The following TNKS1BP1 variants were observed in gnomAD, a reference collection of about 807,000 sequenced individuals.
TNKS1BP1 encodes CCR4-NOT transcription complex subunit 12.
In TNKS1BP1, 48 loss-of-function variants were observed where a neutral mutation model predicts 141.1. The observed-to-expected ratio is 0.34, with a 90% CI of 0.27 to 0.43. The LOEUF is 0.43. Among genes scored for constraint, TNKS1BP1 ranks in the 20% least tolerant of loss-of-function variants. The pLI is 1.00. For missense variants in TNKS1BP1, 2,149 were observed against 2,226.0 expected (o/e 0.97, Z 0.70); for synonymous variants, 875 against 898.2 (o/e 0.97, Z 0.46).
Position 57,320,570 on chromosome 11 carries a change from C to T in TNKS1BP1, c.237G>A (p.Arg79=), listed in dbSNP as rs746572614. 3.7e-6 allele frequency: 6 copies of T among 1,614,034 alleles called. No homozygotes were observed. In the African/African-American group the frequency reaches 5.3e-5, roughly 14 times the overall value. ...GGGGTCCTGCCAGCATGTTCATCTT[C>T]CTGGCAGAAGGCAACTCAGCCAGGG... The part of the protein sequence containing the change: ...RGPLAELPSA[R]KMNMLAGPQP... The change falls in exon 3 of 12, where the codon AGG becomes AGA. Residue 79 remains arginine (R), a synonymous_variant. Coordinates refer to ENST00000358252, the MANE Select transcript of TNKS1BP1 (RefSeq NM_033396.3).
chr11:57,316,325 C>A (rs1855798508), intron 4 of TNKS1BP1, among the ~76,000 whole-genome samples: 1 of 152,184 alleles, frequency 6.6e-6, no homozygotes, highest in Non-Finnish European at 1.5e-5. Flanking sequence ...CATCCCCACT[C>A]TCAGTAATCT....
rs1855822172 is a variant in TNKS1BP1, at chr11:57,317,896, G to A, written c.729-9C>T. 7 of 1,613,392 alleles carry A rather than the reference G, an allele frequency of 4.3e-6. No homozygotes were observed. Among genetic ancestry groups the A allele is most frequent in the Non-Finnish European group, 5.9e-6 (7 of 1,179,450 alleles). Reference sequence around the variant, plus strand: ...GGTCGGAAGGAAGGCTCCTGTGAGGGACGAGGACAGGAAATGGAAGCACGG... The same window carrying A: ...GGTCGGAAGGAAGGCTCCTGTGAGGAACGAGGACAGGAAATGGAAGCACGG... On this transcript the variant is annotated splice_polypyrimidine_tract_variant and intron_variant, in intron 3 of 11. Transcript: ENST00000358252.
intron 4 of TNKS1BP1, among the ~76,000 whole-genome samples, chr11:57,314,419 C>A (rs1460105295): frequency 6.6e-6 from 1 of 152,178 alleles, no homozygotes; most frequent in East Asian, 1.9e-4. Flanking sequence ...GCCAAGGAAG[C>A]AGGAAGGCTA....
At chr11:57,311,191 C>T (rs944001421) in intron 5 of TNKS1BP1, 4 of 975,850 alleles carry the variant, frequency 4.1e-6, no homozygotes, top group Non-Finnish European at 2.4e-6. Context: ...AAAATCCCAG[C>T]CAGGGCTTCT....
chr11:57,309,639 G>A lies in TNKS1BP1; in HGVS notation c.3072C>T (p.Ser1024=), dbSNP rs138109663. 3.8e-5 allele frequency: 62 copies of A among 1,613,994 alleles called. No individual in the cohort carries two copies. Among genetic ancestry groups the A allele is most frequent in the African/African-American group, 3.3e-4 (25 of 74,914 alleles). The change falls in exon 6 of 12, where the codon TCC becomes TCT. Residue 1024 remains serine, a synonymous_variant. Coordinates refer to ENST00000358252, the MANE Select transcript of TNKS1BP1 (RefSeq NM_033396.3). The surrounding 1 kb of genome is among the most constrained non-coding windows in gnomAD (Gnocchi z 4.3). ...CAGTGCTAGGACTGAACAAGCCCCCGGATCCTCTCTCTCCTGGCCGGCCAG... is the reference window on the plus strand; with the variant it reads ...CAGTGCTAGGACTGAACAAGCCCCCAGATCCTCTCTCTCCTGGCCGGCCAG... ...RDAGRPGERG[S]GGLFSPSTAH...
Position 57,310,372 on chromosome 11 carries a change from T to C in TNKS1BP1, c.2339A>G (p.Gln780Arg). Reference protein sequence around the residue: ...GERDWTSKYGQGAGEGSTREW... With the variant: ...GERDWTSKYGRGAGEGSTREW... ...CCTGGTGCTCCCTTCCCCTGCTCCT[T>C]GCCCATACTTGCTGGTCCAGTCCCT... The change falls in exon 6 of 12, where the codon CAA (glutamine) becomes CGA (arginine). Residue 780 changes from glutamine (Q) to arginine (R), a missense_variant. Physicochemically the swap from Gln to Arg is conservative, Grantham distance 43. Transcript: ENST00000358252. 1 of 1,614,120 alleles carries C rather than the reference T, an allele frequency of 6.2e-7. No homozygotes were observed. Among genetic ancestry groups the C allele is most frequent in the Non-Finnish European group, 8.5e-7 (1 of 1,180,038 alleles).
chr11:57,309,603 C>G lies in TNKS1BP1; in HGVS notation c.3108G>C (p.Pro1036=). ...GLFSPSTAHV[P]DGALGQRDQS... ...GGTCTCTCTGCCCGAGTGCCCCATC[C>G]GGCACGTGGGCAGTGCTAGGACTGA... Residue 1036 remains proline, a synonymous_variant, in exon 6 of 12, where the codon CCG becomes CCC. Transcript: ENST00000358252. The surrounding 1 kb of genome is among the most constrained non-coding windows in gnomAD (Gnocchi z 4.3). The G allele has an allele frequency of 6.2e-7, 1 of 1,613,890 alleles. No individual in the cohort carries two copies. The highest frequency in any genetic ancestry group is 1.1e-5 in the South Asian group (1 of 91,082).
At chr11:57,319,775 A>T (rs1490805624) in intron 3 of TNKS1BP1, among the ~76,000 whole-genome samples, 1 of 151,908 alleles carries the variant, frequency 6.6e-6, no homozygotes, top group Non-Finnish European at 1.5e-5. Flanking sequence ...CTCAAAAAAA[A>T]AAAAAAAAAA....
chr11:57,308,341 T>TG lies in TNKS1BP1; in HGVS notation c.4316+53dup, dbSNP rs774436443. On this transcript the variant is annotated intron_variant, in intron 6 of 11. Coordinates refer to ENST00000358252, the MANE Select transcript of TNKS1BP1 (RefSeq NM_033396.3). The stretch of plus-strand genomic sequence containing the variant: ...CCTCCTCAGAAAGGTTCCGATTTCT[T>TG]GGACAGCCTTCACATGTTCCCTCCC... The TG allele has an allele frequency of 1.1e-5, 17 of 1,539,560 alleles. No individual in the cohort carries two copies. The South Asian group carries it at 2.0e-4, about 18-fold the overall frequency.
chr11:57,308,298 AG>A (rs1180005398), intron 6 of TNKS1BP1, 96 bp downstream of exon 6: 1 of 1,489,598 alleles, frequency 6.7e-7, no homozygotes, highest in Non-Finnish European at 9.0e-7. Context: ...AAAAGTCCTC[AG>A]GAAAAACTGT....
At chr11:57,306,686 G>A (rs1855616478) in intron 6 of TNKS1BP1, among the ~76,000 whole-genome samples, 1 of 152,044 alleles carries the variant, frequency 6.6e-6, no homozygotes. Context: ...CCTGAACTCG[G>A]GTTAAAGTCA....
chr11:57,300,802 C>T (rs925829718), intron 10 of TNKS1BP1, 82 bp downstream of exon 10: 9 of 1,554,958 alleles, frequency 5.8e-6, no homozygotes, highest in Admixed American at 3.7e-5. Flanking sequence ...CCTCAGTTTG[C>T]CTCTTCTGTG....
At chr11:57,305,797 C>T (rs962865299) in intron 6 of TNKS1BP1, among the ~76,000 whole-genome samples, 1 of 152,172 alleles carries the variant, frequency 6.6e-6, no homozygotes, top group East Asian at 1.9e-4. Context: ...GAGTAAGTTA[C>T]TCCCAACTTA....
chr11:57,305,912 C>T (rs1327541366), intron 6 of TNKS1BP1, among the ~76,000 whole-genome samples: 2 of 152,154 alleles, frequency 1.3e-5, no homozygotes, highest in African/African-American at 4.8e-5. Context: ...CAGAGCCAGA[C>T]CCCTCTGAGC....
At position 57,302,099 on chromosome 11, in the gene TNKS1BP1, A is replaced by C; in HGVS notation, c.4809T>G (p.Asp1603Glu). ...TLGLSEAADS[D>E]AHLFQDSTEP... ...CTGTAGAGTCCTGGAACAGGTGTGCATCCGAGTCTGCTGCCTCCGACAGGC... is the reference window on the plus strand; with the variant it reads ...CTGTAGAGTCCTGGAACAGGTGTGCCTCCGAGTCTGCTGCCTCCGACAGGC... The change falls in exon 8 of 12, where the codon GAT becomes GAG. Residue 1603 changes from aspartate to glutamate, a missense_variant. Transcript: ENST00000358252. This position sits in a 1 kb window ranked among gnomAD's most constrained non-coding sequence, Gnocchi z 5.5. 1 of 1,613,918 alleles carries C rather than the reference A, an allele frequency of 6.2e-7. No homozygotes were observed. Among genetic ancestry groups the C allele is most frequent in the Non-Finnish European group, 8.5e-7 (1 of 1,179,882 alleles).
chr11:57,322,347 C>G (rs1379031132), intron 1 of TNKS1BP1: 2 of 985,610 alleles, frequency 2.0e-6, no homozygotes, highest in Non-Finnish European at 2.4e-6. Flanking sequence ...TCACGGGAGA[C>G]GGGAAAAACC....
chr11:57,320,776 T>C, intron 2 of TNKS1BP1, 64 bp from the exon 3 acceptor site: 2 of 1,478,434 alleles, frequency 1.4e-6, no homozygotes, highest in Non-Finnish European at 1.8e-6. Context: ...ACTTCTTTGT[T>C]TCCTGTTCCA....
intron 3 of TNKS1BP1, among the ~76,000 whole-genome samples, chr11:57,318,823 T>C (rs959090871): frequency 1.3e-5 from 2 of 152,226 alleles, no homozygotes; most frequent in Non-Finnish European, 2.9e-5. Flanking sequence ...AAAATCTCTG[T>C]GCAGACACTA....
intron 1 of TNKS1BP1, among the ~76,000 whole-genome samples, chr11:57,323,689 G>A (rs906826090): frequency 5.3e-5 from 8 of 152,198 alleles, no homozygotes; most frequent in African/African-American, 1.9e-4. Flanking sequence ...GCCCACTGTG[G>A]GTGGGTGAAT....
Sources: gnomAD v4.1 joint callset for allele counts (sites outside exome capture counted in the v4.1 genomes callset) on GRCh38, gnomAD v4.1.1 for gene constraint, Gnocchi (gnomAD v3.1) non-coding constraint, MANE v1.5 for transcripts, NCBI Gene and HGNC (gene_info 2026-07-23, HGNC 2026-07-21) for gene names.